AHR: variants seen among roughly 807,000 people sequenced by gnomAD.
The protein encoded by AHR is aryl hydrocarbon receptor.
AHR carries 40 observed loss-of-function variants against 86.8 expected under a neutral mutation model. The observed-to-expected ratio is 0.46, with a 90% CI of 0.36 to 0.60. The LOEUF (loss-of-function observed/expected upper bound fraction) is 0.60. Among genes scored for constraint, AHR ranks in the 20% least tolerant of loss-of-function variants. The pLI is 0.00. For synonymous variants in AHR, 398 were observed against 354.9 expected, an observed-to-expected ratio of 1.12 and a Z score of -1.37; for missense variants, 1,001 against 1,011.6, an observed-to-expected ratio of 0.99 and a Z score of 0.14.
chr7:17,342,886 AT>A, intron 10 of AHR, 34 bp from the exon 11 acceptor site: 1 of 1,591,216 alleles, frequency 6.3e-7, no homozygotes, highest in South Asian at 1.1e-5. Flanking sequence ...TGGAAGATCT[AT>A]TCCAATAAGT....
At chr7:17,315,402 A>G (rs1029337147) in intron 2 of AHR, among the ~76,000 whole-genome samples, 1 of 152,032 alleles carries the variant, frequency 6.6e-6, no homozygotes, top group East Asian at 1.9e-4. Flanking sequence ...GATTCAAACA[A>G]TCTAAACTCA....
At chr7:17,306,125 CAGGGATGTTTATTT>C (rs1168925837) in intron 1 of AHR, among the ~76,000 whole-genome samples, 14 of 151,992 alleles carry the variant, frequency 9.2e-5, no homozygotes, top group African/African-American at 3.4e-4. Flanking sequence ...TCCAATCTTA[CAGGGATGTTTATTT>C]ATATTTCAAA....
rs193267278 is a variant in AHR at position 17,299,690 on chromosome 7, A to T, written c.65+361A>T. Among the ~76,000 whole-genome samples, 178 of 152,240 alleles carry T rather than the reference A, an allele frequency of 1.2e-3. 1 individual carries two copies. The highest frequency in any genetic ancestry group is 4.1e-3 in the African/African-American group (170 of 41,530). On this transcript the variant is annotated intron_variant, in intron 1 of 10. Transcript: ENST00000242057. ...TAAACCTGTCTTGAAATCTCCTTCCACTTTTCATATCCGCATGGGTTAGGT... is the reference window on the plus strand; with the variant it reads ...TAAACCTGTCTTGAAATCTCCTTCCTCTTTTCATATCCGCATGGGTTAGGT...
chr7:17,314,155 G>A (rs145213405), intron 2 of AHR, among the ~76,000 whole-genome samples: 4 of 152,096 alleles, frequency 2.6e-5, no homozygotes, highest in Admixed American at 1.3e-4. Flanking sequence ...CACCTAATGA[G>A]CCTGACAAAA....
At chr7:17,331,278 C>T (rs1301638345) in intron 6 of AHR, among the ~76,000 whole-genome samples, 1 of 151,828 alleles carries the variant, frequency 6.6e-6, no homozygotes, top group East Asian at 1.9e-4. Context: ...GCATCTTCAG[C>T]CCAAATTTAG....
chr7:17,313,629 C>A (rs1782088111), intron 2 of AHR, among the ~76,000 whole-genome samples: 1 of 152,048 alleles, frequency 6.6e-6, no homozygotes, highest in East Asian at 1.9e-4. Context: ...AATATTTATC[C>A]ATTTCTAATT....
rs565600641 is a variant in AHR at position 17,307,042 on chromosome 7, C to G, written c.66-2894C>G. Among the ~76,000 whole-genome samples, 5 of 152,112 alleles carry G rather than the reference C, an allele frequency of 3.3e-5. No homozygotes were observed. In the South Asian group the frequency reaches 1.0e-3, roughly 32 times the overall value. On this transcript the variant is annotated intron_variant, in intron 1 of 10. Coordinates refer to ENST00000242057, the MANE Select transcript of AHR (RefSeq NM_001621.5). ...CTCTCATGTTAAATATTTTGTAAGA[C>G]ACATAGTAATGCATTAGAAATGTAG...
chr7:17,322,743 GTGAATGA>G (rs1463995407), intron 3 of AHR, 136 bp downstream of exon 3: 1 of 630,716 alleles, frequency 1.6e-6, no homozygotes, highest in Non-Finnish European at 2.8e-6. Context: ...AACTGCGATA[GTGAATGA>G]TGCTTAATAC....
intron 6 of AHR, among the ~76,000 whole-genome samples, chr7:17,332,615 TAAAG>T (rs1237950992): frequency 6.6e-6 from 1 of 151,934 alleles, no homozygotes; most frequent in Non-Finnish European, 1.5e-5. Flanking sequence ...AATAAGGATA[TAAAG>T]AAAGAAAATG....
chr7:17,323,018 G>T (rs1430356610), intron 3 of AHR, among the ~76,000 whole-genome samples: 1 of 152,000 alleles, frequency 6.6e-6, no homozygotes, highest in Non-Finnish European at 1.5e-5. Context: ...ATCTAGGTTT[G>T]TGTAAGTACA....
rs1782449364 is a variant in AHR at position 17,343,582 on chromosome 7, C to T, written c.*518C>T. On this transcript the variant is annotated 3_prime_UTR_variant, in exon 11 of 11. Coordinates refer to ENST00000242057, the MANE Select transcript of AHR (RefSeq NM_001621.5). ...TTTTTATAAAAAGATAATCTCAGTG[C>T]TTTCCTCCTTCACTGTTTCATCTAA... 6.5e-6 allele frequency: 1 copy of T among 154,452 alleles called. No individual in the cohort carries two copies. The highest frequency in any genetic ancestry group is 6.5e-5 in the Admixed American group (1 of 15,280). 9.6% of individuals were successfully genotyped at this position (154,452 alleles called of 1,614,324 possible). A position where few individuals can be genotyped will look rare whatever the true frequency, so the allele number is the denominator to read the frequency against.
chr7:17,319,260 G>A (rs1478340953), intron 2 of AHR, among the ~76,000 whole-genome samples: 1 of 152,064 alleles, frequency 6.6e-6, no homozygotes, highest in Non-Finnish European at 1.5e-5. Flanking sequence ...ATTGATTCCA[G>A]GCATTACCCT....
chr7:17,308,700 AACACAC>A lies in AHR; in HGVS notation c.66-1210_66-1205del, dbSNP rs372879452. Among the ~76,000 whole-genome samples the A allele has an allele frequency of 2.4e-3, 331 of 139,580 alleles. 1 individual carries two copies. Among genetic ancestry groups the A allele is most frequent in the African/African-American group, 7.1e-3 (276 of 38,858 alleles). 91.6% of individuals were successfully genotyped at this position (139,580 alleles called of 152,430 possible). On this transcript the variant is annotated intron_variant, in intron 1 of 10. Coordinates refer to ENST00000242057, the MANE Select transcript of AHR (RefSeq NM_001621.5). ...GAAGGTATCTGTTGATACATACATA[AACACAC>A]ACACACACACACACACACACACACA...
chr7:17,305,129 G>A (rs566203637), intron 1 of AHR, among the ~76,000 whole-genome samples: 1 of 152,258 alleles, frequency 6.6e-6, no homozygotes, highest in African/African-American at 2.4e-5. Context: ...AGCAGCAGGA[G>A]GGTGGCAGAA....
At chr7:17,324,466 T>C (rs1782206766) in intron 3 of AHR, among the ~76,000 whole-genome samples, 1 of 152,208 alleles carries the variant, frequency 6.6e-6, no homozygotes, top group Admixed American at 6.6e-5. Context: ...GGAGAAATAT[T>C]TTCCTTTGCT....
chr7:17,324,529 G>A (rs1362123809), intron 3 of AHR, among the ~76,000 whole-genome samples: 1 of 152,192 alleles, frequency 6.6e-6, no homozygotes, highest in Non-Finnish European at 1.5e-5. Context: ...AAGGCCAGGT[G>A]CGGTGGCTCA....
At chr7:17,325,327 T>G (rs1256220484) in intron 3 of AHR, among the ~76,000 whole-genome samples, 1 of 152,214 alleles carries the variant, frequency 6.6e-6, no homozygotes, top group Non-Finnish European at 1.5e-5. Flanking sequence ...TCTTCTGGCA[T>G]GTACACCAAT....
chr7:17,343,172 T>C lies in AHR; in HGVS notation c.*108T>C. 7.9e-7 allele frequency: 1 copy of C among 1,266,846 alleles called. No individual in the cohort carries two copies. The highest frequency in any genetic ancestry group is 1.1e-6 in the Non-Finnish European group (1 of 882,556). The allele number at this position is 1,266,846 out of a possible 1,614,324, so 78.5% of individuals were successfully genotyped here. On this transcript the variant is annotated 3_prime_UTR_variant, in exon 11 of 11. Transcript: ENST00000242057. ...CGTCAGCAAGTTCACATGGAGGCAT[T>C]GATGCATGCTATTCACAATTATTCC...
intron 10 of AHR, among the ~76,000 whole-genome samples, chr7:17,340,710 C>G (rs1326242398): frequency 6.6e-6 from 1 of 152,242 alleles, no homozygotes; most frequent in Middle Eastern, 3.4e-3. Context: ...TGCTTTCTTA[C>G]AATGCCTCTG....
Sources: gnomAD v4.1 joint callset for allele counts (sites outside exome capture counted in the v4.1 genomes callset) on GRCh38, gnomAD v4.1.1 for gene constraint, MANE v1.5 for transcripts, NCBI Gene and HGNC (gene_info 2026-07-23, HGNC 2026-07-21) for gene names.